Variants in DIAPH2 observed in about 807,000 individuals in gnomAD.
The protein encoded by DIAPH2 is diaphanous related formin 2.
Under a neutral mutation model 92.7 loss-of-function variants are expected in DIAPH2, and 35 were observed. The observed-to-expected ratio is 0.38, with a 90% CI of 0.29 to 0.50. The LOEUF (loss-of-function observed/expected upper bound fraction) is 0.50, where lower values mean the gene tolerates loss of function less well. Among genes scored for constraint, DIAPH2 ranks in the 20% least tolerant of loss-of-function variants. DIAPH2 has a pLI of 0.94. For missense variants in DIAPH2, 701 were observed against 819.5 expected (o/e 0.86, Z 1.77); for synonymous variants, 301 against 280.4 (o/e 1.07, Z -0.73).
At chrX:97,570,281 T>A (rs2071362011) in intron 26 of DIAPH2, among the ~76,000 whole-genome samples, 1 of 102,875 alleles carries the variant, frequency 9.7e-6, no homozygotes, top group African/African-American at 3.5e-5. Flanking sequence ...TAAATATGTT[T>A]TATATATATA....
intron 1 of DIAPH2, among the ~76,000 whole-genome samples, chrX:96,712,009 A>C (rs1248356210): frequency 1.8e-5 from 2 of 111,756 alleles, no homozygotes; most frequent in African/African-American, 3.2e-5. Flanking sequence ...AATTTTTAGA[A>C]TATTGAACTG....
At chrX:97,532,949 T>C (rs1436232882) in intron 26 of DIAPH2, among the ~76,000 whole-genome samples, 1 of 111,700 alleles carries the variant, frequency 9.0e-6, no homozygotes, top group Non-Finnish European at 1.9e-5. Context: ...AATTTAATCT[T>C]AGTGGATAAG....
intron 24 of DIAPH2, among the ~76,000 whole-genome samples, chrX:97,366,878 T>G (rs1452314340): frequency 8.9e-6 from 1 of 111,897 alleles, no homozygotes. Flanking sequence ...CATATTTTAT[T>G]TTTATGAGTG....
At chrX:97,215,333 C>T (rs1001663985) in intron 22 of DIAPH2, among the ~76,000 whole-genome samples, 1 of 111,349 alleles carries the variant, frequency 9.0e-6, no homozygotes, top group African/African-American at 3.3e-5. Flanking sequence ...ATTTTTCTTT[C>T]TAATGCAAGA....
At chrX:97,417,263 TATC>T (rs949480897) in intron 25 of DIAPH2, among the ~76,000 whole-genome samples, 14 of 110,898 alleles carry the variant, frequency 1.3e-4, no homozygotes, top group African/African-American at 4.6e-4. Context: ...AAATATATAA[TATC>T]ATCATATAAA....
chrX:97,326,644 C>T (rs1189542725), intron 23 of DIAPH2, among the ~76,000 whole-genome samples: 1 of 112,370 alleles, frequency 8.9e-6, no homozygotes, highest in African/African-American at 3.2e-5. Flanking sequence ...GAGGTTTCAG[C>T]CAAGTAGCAT....
intron 23 of DIAPH2, among the ~76,000 whole-genome samples, chrX:97,268,916 G>C (rs2068361822): frequency 9.9e-6 from 1 of 101,144 alleles, no homozygotes; most frequent in African/African-American, 3.7e-5. Context: ...GAGTGCAGTG[G>C]TGCAATCTCG....
intron 21 of DIAPH2, among the ~76,000 whole-genome samples, chrX:97,127,125 G>A (rs1015434849): frequency 9.0e-6 from 1 of 111,159 alleles, no homozygotes; most frequent in African/African-American, 3.3e-5. Flanking sequence ...ACTATTGTAT[G>A]TCTGTACCCC....
chrX:96,800,656 A>G (rs1208813420), intron 4 of DIAPH2, among the ~76,000 whole-genome samples: 2 of 112,179 alleles, frequency 1.8e-5, no homozygotes, highest in African/African-American at 3.2e-5. Context: ...CTACCTCTCT[A>G]TCATTAACAT....
At chrX:97,194,570 C>T (rs2147484791) in intron 22 of DIAPH2, among the ~76,000 whole-genome samples, 1 of 111,710 alleles carries the variant, frequency 9.0e-6, no homozygotes, top group East Asian at 2.8e-4. Context: ...AGGCGTGAAC[C>T]ACTGCACCCG....
At chrX:96,711,562 T>C (rs1020821449) in intron 1 of DIAPH2, among the ~76,000 whole-genome samples, 2 of 111,547 alleles carry the variant, frequency 1.8e-5, no homozygotes, top group Non-Finnish European at 3.8e-5. Context: ...TCCTTGTAGA[T>C]GCTGGATGTC....
At chrX:97,093,793 C>T (rs1395168746) in intron 19 of DIAPH2, among the ~76,000 whole-genome samples, 1 of 111,520 alleles carries the variant, frequency 9.0e-6, no homozygotes, top group Non-Finnish European at 1.9e-5. Context: ...ACTATTTTTT[C>T]TATTATAGTA....
chrX:97,319,041 C>T (rs1421586475), intron 23 of DIAPH2, among the ~76,000 whole-genome samples: 1 of 111,555 alleles, frequency 9.0e-6, no homozygotes, highest in African/African-American at 3.3e-5. Context: ...TTGATAGACT[C>T]CTTACGACAT....
At chrX:96,900,154 A>C (rs1045099842) in intron 5 of DIAPH2, among the ~76,000 whole-genome samples, 2 of 111,821 alleles carry the variant, frequency 1.8e-5, no homozygotes, top group African/African-American at 6.5e-5. Context: ...TTCTTTCAGC[A>C]GTGTTTCGTA....
chrX:97,229,741 A>G (rs1034792920), intron 22 of DIAPH2, among the ~76,000 whole-genome samples: 10 of 107,585 alleles, frequency 9.3e-5, no homozygotes, highest in African/African-American at 2.7e-4. Context: ...GGGTTTGGGT[A>G]TAGAGATTTG....
intron 22 of DIAPH2, among the ~76,000 whole-genome samples, chrX:97,178,632 T>C (rs912514362): frequency 9.2e-6 from 1 of 109,062 alleles, no homozygotes; most frequent in African/African-American, 3.3e-5. Context: ...TTTGTATTTT[T>C]AGTAGAGACG....
At chrX:97,111,573 A>G (rs1348667565) in intron 20 of DIAPH2, among the ~76,000 whole-genome samples, 4 of 112,007 alleles carry the variant, frequency 3.6e-5, no homozygotes, top group East Asian at 2.8e-4. Flanking sequence ...GTCGGTTACT[A>G]AGTCCCATTT....
chrX:97,593,376 G>A (rs2071529623), intron 26 of DIAPH2, among the ~76,000 whole-genome samples: 1 of 110,411 alleles, frequency 9.1e-6, no homozygotes, highest in Non-Finnish European at 1.9e-5. Flanking sequence ...TGCAGGAACA[G>A]CCCATCTCCT....
rs749392401 is a variant in DIAPH2, at chrX:97,247,706, G to T, written c.2720-9G>T. 1 of 1,201,110 alleles carries T rather than the reference G, an allele frequency of 8.3e-7. No individual in the cohort carries two copies. The highest frequency in any genetic ancestry group is 1.8e-5 in the South Asian group (1 of 55,127). ...AAATATTCTAAATCCTTTGCACACTGTTCTTTAGTTTCAGCTCAAATTCTC... is the reference window on the plus strand; with the variant it reads ...AAATATTCTAAATCCTTTGCACACTTTTCTTTAGTTTCAGCTCAAATTCTC... On this transcript the variant is annotated splice_polypyrimidine_tract_variant and intron_variant, in intron 22 of 26. Coordinates refer to ENST00000324765, the MANE Select transcript of DIAPH2 (RefSeq NM_006729.5).
Sources: allele counts gnomAD v4.1 joint callset (sites outside exome capture counted in the v4.1 genomes callset), GRCh38; gene constraint gnomAD v4.1.1; transcripts MANE v1.5; gene names NCBI Gene and HGNC (gene_info 2026-07-23, HGNC 2026-07-21).